Variants in APBA2 observed in about 807,000 individuals in gnomAD.
APBA2 encodes amyloid-beta A4 precursor protein-binding family A member 2.
In APBA2, 30 loss-of-function variants were observed where a neutral mutation model predicts 75.0. The observed-to-expected ratio is 0.40, with a 90% confidence interval of 0.30 to 0.54. APBA2 has a LOEUF of 0.54. APBA2 is among the 20% of genes least tolerant of loss of function. The probability of loss-of-function intolerance (pLI) is 0.49; values close to 1 mark genes in which losing one functional copy is unlikely to be tolerated. For missense variants in APBA2, 801 were observed against 1,016.1 expected, an observed-to-expected ratio of 0.79 and a Z score of 2.88; for synonymous variants, 444 against 409.6, an observed-to-expected ratio of 1.08 and a Z score of -1.01.
chr15:28,903,690 C>T (rs942816601), intron 1 of APBA2, among the ~76,000 whole-genome samples: 8 of 152,198 alleles, frequency 5.3e-5, no homozygotes, highest in African/African-American at 1.4e-4. Flanking sequence ...TGCCTCCCTA[C>T]AGTCCAGCTT....
intron 2 of APBA2, among the ~76,000 whole-genome samples, chr15:28,930,808 G>A (rs549444328): frequency 6.6e-5 from 10 of 152,286 alleles, no homozygotes; most frequent in African/African-American, 2.4e-4. Context: ...GCCTTGCTGG[G>A]CTGATGCCCT....
chr15:29,016,992 A>G (rs530808680), intron 3 of APBA2, among the ~76,000 whole-genome samples: 64 of 152,294 alleles, frequency 4.2e-4, no homozygotes, highest in African/African-American at 1.5e-3. Context: ...ATAACTGTGT[A>G]AGTTCAGTCC....
chr15:28,976,897 T>C (rs1003913874), intron 2 of APBA2: 2 of 152,186 alleles, frequency 1.3e-5, no homozygotes, highest in African/African-American at 4.8e-5. Context: ...AGGTGATATG[T>C]TCCTCAATGG....
intron 3 of APBA2, among the ~76,000 whole-genome samples, chr15:29,024,485 C>T (rs528580560): frequency 6.6e-6 from 1 of 152,326 alleles, no homozygotes; most frequent in South Asian, 2.1e-4. Context: ...AACTGGAATG[C>T]ACCCTCTTCC....
At chr15:29,058,688 A>G (rs935265998) in intron 4 of APBA2, among the ~76,000 whole-genome samples, 6 of 152,142 alleles carry the variant, frequency 3.9e-5, no homozygotes, top group African/African-American at 1.4e-4. Flanking sequence ...GGGCTGGGAT[A>G]TGAGAGGCAC....
At chr15:28,902,105 C>T (rs975190194) in intron 1 of APBA2, among the ~76,000 whole-genome samples, 7 of 152,018 alleles carry the variant, frequency 4.6e-5, no homozygotes, top group African/African-American at 1.7e-4. Flanking sequence ...CATCCTCGCT[C>T]CTCCAATGTG....
intron 8 of APBA2, among the ~76,000 whole-genome samples, chr15:29,097,119 A>C (rs2043886382): frequency 6.6e-6 from 1 of 152,272 alleles, no homozygotes; most frequent in Admixed American, 6.5e-5. Flanking sequence ...CAGTCCCCCA[A>C]GGACGCTGTG....
At chr15:29,030,118 A>G (rs1024606771) in intron 3 of APBA2, among the ~76,000 whole-genome samples, 2 of 152,296 alleles carry the variant, frequency 1.3e-5, no homozygotes, top group Non-Finnish European at 1.5e-5. Flanking sequence ...TCCTCCAGCA[A>G]TGTTGCTCCA....
At chr15:28,902,430 C>G (rs989199906) in intron 1 of APBA2, among the ~76,000 whole-genome samples, 2 of 152,224 alleles carry the variant, frequency 1.3e-5, no homozygotes, top group Non-Finnish European at 2.9e-5. Flanking sequence ...GATGCTGTCA[C>G]AGCCAAGAGG....
intron 2 of APBA2, among the ~76,000 whole-genome samples, chr15:28,931,541 C>G (rs951637229): frequency 2.0e-5 from 3 of 152,186 alleles, no homozygotes; most frequent in African/African-American, 7.2e-5. Flanking sequence ...ATCCACTGCC[C>G]TTTTAGCAAG....
At chr15:29,112,677 T>G (rs2152981877) in intron 13 of APBA2, among the ~76,000 whole-genome samples, 1 of 152,320 alleles carries the variant, frequency 6.6e-6, no homozygotes, top group South Asian at 2.1e-4. Context: ...TTTGTTTTCA[T>G]TTAAAAAATA....
chr15:29,053,615 C>T (rs1458393194), intron 3 of APBA2, among the ~76,000 whole-genome samples: 3 of 152,104 alleles, frequency 2.0e-5, no homozygotes, highest in Non-Finnish European at 2.9e-5. Flanking sequence ...TTGCCGGTGC[C>T]TCCCTTGACT....
chr15:28,961,495 G>A (rs967235374), intron 2 of APBA2: 1 of 152,244 alleles, frequency 6.6e-6, no homozygotes, highest in Admixed American at 6.5e-5. Flanking sequence ...GAAAGCCAGG[G>A]AAGCCACTCA....
In APBA2 at chr15:29,079,331, C is replaced by A. The variant is rs140939165; in HGVS notation, c.1069+3240C>A. 1.4e-3 allele frequency among the ~76,000 whole-genome samples: 215 copies of A among 152,262 alleles called. 2 individuals carry two copies. In the South Asian group the frequency reaches 0.016, roughly 11 times the overall value. ...GTGTGGGTGCAGTGTGGACTCCCATCAGAGAGTCCAGGAGGCAAACTGGCG... is the reference window on the plus strand; with the variant it reads ...GTGTGGGTGCAGTGTGGACTCCCATAAGAGAGTCCAGGAGGCAAACTGGCG... On this transcript the variant is annotated intron_variant, in intron 6 of 14. Coordinates refer to ENST00000683413, the MANE Select transcript of APBA2 (RefSeq NM_001353788.2).
chr15:29,088,669 C>T (rs1225412376), intron 6 of APBA2, among the ~76,000 whole-genome samples: 2 of 152,190 alleles, frequency 1.3e-5, no homozygotes, highest in Non-Finnish European at 1.5e-5. Context: ...GCTCTCCCTT[C>T]TTCCTCTCTG....
intron 4 of APBA2, among the ~76,000 whole-genome samples, chr15:29,070,113 T>C (rs1484106095): frequency 6.6e-6 from 1 of 151,950 alleles, no homozygotes; most frequent in East Asian, 1.9e-4. Context: ...CATTCGAATT[T>C]AGACGGGTAT....
At chr15:28,943,933 G>A (rs1238454936) in intron 2 of APBA2, among the ~76,000 whole-genome samples, 1 of 152,074 alleles carries the variant, frequency 6.6e-6, no homozygotes, top group East Asian at 1.9e-4. Context: ...TGGGGTGGCC[G>A]CTACACAGTG....
At chr15:29,077,516 T>C (rs1042890229) in intron 6 of APBA2, among the ~76,000 whole-genome samples, 1 of 152,054 alleles carries the variant, frequency 6.6e-6, no homozygotes, top group Non-Finnish European at 1.5e-5. Context: ...CTGCAGGGAG[T>C]GGGATCGTGA....
intron 2 of APBA2, among the ~76,000 whole-genome samples, chr15:28,987,729 G>GAGAT (rs1184349103): frequency 1.7e-4 from 18 of 106,242 alleles, no homozygotes; most frequent in South Asian, 8.0e-4. Flanking sequence ...TGTGGAGAGA[G>GAGAT]ATATATATAT....
Sources: gnomAD v4.1 joint callset for allele counts (sites outside exome capture counted in the v4.1 genomes callset) on GRCh38, gnomAD v4.1.1 for gene constraint, MANE v1.5 for transcripts, NCBI Gene and HGNC (gene_info 2026-07-23, HGNC 2026-07-21) for gene names.